Variants in IMMP2L observed in about 807,000 individuals in gnomAD.
IMMP2L encodes the protein inner mitochondrial membrane peptidase subunit 2, also known as mitochondrial inner membrane protease subunit 2.
Under a neutral mutation model 19.3 loss-of-function variants are expected in IMMP2L, and 18 were observed. The observed-to-expected ratio is 0.93, with a 90% confidence interval of 0.64 to 1.38. The LOEUF is 1.38. Among genes scored for constraint, IMMP2L ranks in the 40% most tolerant of loss-of-function variants. The pLI is 0.00. For missense variants in IMMP2L, 233 were observed against 218.2 expected (o/e 1.07, Z -0.43); for synonymous variants, 76 against 73.0 (o/e 1.04, Z -0.21).
At chr7:111,344,944 T>C (rs1421864216) in intron 3 of IMMP2L, among the ~76,000 whole-genome samples, 1 of 152,044 alleles carries the variant, frequency 6.6e-6, no homozygotes. Context: ...GATAAATCTC[T>C]GGAGGAGAAT....
chr7:111,279,772 T>A (rs1010019526), intron 3 of IMMP2L, among the ~76,000 whole-genome samples: 3 of 152,002 alleles, frequency 2.0e-5, no homozygotes, highest in Non-Finnish European at 4.4e-5. Flanking sequence ...TAAACAGACA[T>A]ATAAAGAGGC....
intron 4 of IMMP2L, among the ~76,000 whole-genome samples, chr7:110,919,680 T>C (rs1814032039): frequency 1.4e-5 from 2 of 147,442 alleles, no homozygotes; most frequent in South Asian, 2.1e-4. Flanking sequence ...ACTTATTTCT[T>C]GAAAAAAAAA....
chr7:111,364,805 T>C lies in IMMP2L; in HGVS notation c.239+122433A>G, dbSNP rs369922141. On this transcript the variant is annotated intron_variant, in intron 3 of 5. Transcript: ENST00000405709. ...GGGCAACATGGTGAAACCCCACCTC[T>C]ATTAAAAATACAAAAATCAGCCAGG... 1.6e-4 allele frequency among the ~76,000 whole-genome samples: 24 copies of C among 151,860 alleles called. 1 individual carries two copies. The East Asian group carries it at 3.5e-3, about 22-fold the overall frequency.
chr7:111,478,917 C>T (rs1841950440), intron 3 of IMMP2L, among the ~76,000 whole-genome samples: 1 of 152,134 alleles, frequency 6.6e-6, no homozygotes, highest in South Asian at 2.1e-4. Context: ...TCTCTTGCTT[C>T]CAGCAATGAC....
chr7:111,307,002 C>G (rs1822950894), intron 3 of IMMP2L, among the ~76,000 whole-genome samples: 1 of 148,540 alleles, frequency 6.7e-6, no homozygotes, highest in Admixed American at 6.7e-5. Flanking sequence ...ATATTACATT[C>G]TAATTATATT....
intron 5 of IMMP2L, among the ~76,000 whole-genome samples, chr7:110,730,912 C>T (rs896190768): frequency 6.6e-6 from 1 of 152,186 alleles, no homozygotes; most frequent in Non-Finnish European, 1.5e-5. Flanking sequence ...CCTTAATAAA[C>T]TCCCCTTTAA....
At chr7:110,706,406 A>ACTAT (rs1348509147) in intron 5 of IMMP2L, among the ~76,000 whole-genome samples, 2 of 152,202 alleles carry the variant, frequency 1.3e-5, no homozygotes, top group Admixed American at 6.5e-5. Flanking sequence ...GTCCAGCAGT[A>ACTAT]GTTCTAAGTT....
intron 3 of IMMP2L, among the ~76,000 whole-genome samples, chr7:111,222,978 C>T (rs1812683433): frequency 6.6e-6 from 1 of 151,832 alleles, no homozygotes; most frequent in South Asian, 2.1e-4. Context: ...CTAAAAAATA[C>T]TACACATTGT....
At chr7:110,809,509 T>A (rs1023766007) in intron 5 of IMMP2L, among the ~76,000 whole-genome samples, 2 of 151,942 alleles carry the variant, frequency 1.3e-5, no homozygotes, top group African/African-American at 4.8e-5. Context: ...TTTTCCTAAA[T>A]AAACATATAT....
chr7:110,869,696 AT>A (rs985245923), intron 5 of IMMP2L, among the ~76,000 whole-genome samples: 2 of 152,064 alleles, frequency 1.3e-5, no homozygotes, highest in Non-Finnish European at 2.9e-5. Context: ...GAAAATCTCT[AT>A]TTTTTACAAG....
intron 4 of IMMP2L, among the ~76,000 whole-genome samples, chr7:110,926,763 A>G (rs933378936): frequency 4.6e-5 from 7 of 152,116 alleles, no homozygotes; most frequent in African/African-American, 1.7e-4. Flanking sequence ...CATCTCTATG[A>G]ATTTTATCAT....
At chr7:111,223,711 T>C (rs1812768866) in intron 3 of IMMP2L, among the ~76,000 whole-genome samples, 1 of 152,148 alleles carries the variant, frequency 6.6e-6, no homozygotes, top group South Asian at 2.1e-4. Context: ...TATATTTAAC[T>C]GTTTCCTGCA....
At chr7:111,371,307 C>A (rs1830243277) in intron 3 of IMMP2L, among the ~76,000 whole-genome samples, 1 of 152,024 alleles carries the variant, frequency 6.6e-6, no homozygotes, top group Non-Finnish European at 1.5e-5. Flanking sequence ...AGCCTGCCTT[C>A]TCTCAAAATG....
intron 3 of IMMP2L, among the ~76,000 whole-genome samples, chr7:111,268,919 A>C (rs1818144589): frequency 6.6e-6 from 1 of 151,918 alleles, no homozygotes; most frequent in Non-Finnish European, 1.5e-5. Context: ...TTTCTATACA[A>C]ACTATTATCT....
intron 3 of IMMP2L, among the ~76,000 whole-genome samples, chr7:111,159,878 T>C (rs1478884864): frequency 6.6e-6 from 1 of 152,160 alleles, no homozygotes; most frequent in Admixed American, 6.6e-5. Flanking sequence ...ACATTCTTTT[T>C]TTTATTACTA....
intron 3 of IMMP2L, chr7:111,483,810 A>C (rs1329518383): frequency 3.9e-5 from 6 of 152,178 alleles, no homozygotes; most frequent in Non-Finnish European, 8.8e-5. Context: ...GTTCCTATGT[A>C]ATTTTTTTCC....
At chr7:110,952,175 A>C (rs1765803796) in intron 4 of IMMP2L, among the ~76,000 whole-genome samples, 1 of 152,174 alleles carries the variant, frequency 6.6e-6, no homozygotes, top group Non-Finnish European at 1.5e-5. Context: ...ATTTAGATCA[A>C]AGGAAGGTAC....
At chr7:111,012,701 T>G (rs560382833) in intron 3 of IMMP2L, among the ~76,000 whole-genome samples, 57 of 152,290 alleles carry the variant, frequency 3.7e-4, no homozygotes, top group African/African-American at 1.3e-3. Flanking sequence ...GACACATGTT[T>G]ATAGGATCAC....
At chr7:111,400,972 A>G (rs1351424495) in intron 3 of IMMP2L, among the ~76,000 whole-genome samples, 1 of 151,986 alleles carries the variant, frequency 6.6e-6, no homozygotes, top group Non-Finnish European at 1.5e-5. Flanking sequence ...TGGTGAGGAA[A>G]GGTTTATTTT....
Sources: gnomAD v4.1 joint callset for allele counts (sites outside exome capture counted in the v4.1 genomes callset) on GRCh38, gnomAD v4.1.1 for gene constraint, MANE v1.5 for transcripts, NCBI Gene and HGNC (gene_info 2026-07-23, HGNC 2026-07-21) for gene names.